Variants in PPP4R2 observed in about 807,000 individuals in gnomAD.
PPP4R2 encodes protein phosphatase 4 regulatory subunit 2.
Under a neutral mutation model 47.2 loss-of-function variants are expected in PPP4R2, and 13 were observed. The observed-to-expected ratio is 0.28, with a 90% CI of 0.18 to 0.44. The LOEUF (loss-of-function observed/expected upper bound fraction) is 0.44, where lower values mean the gene tolerates loss of function less well. Ranked by LOEUF, PPP4R2 falls within the 20% of genes least tolerant of loss-of-function variation. The pLI is 1.00. For synonymous variants in PPP4R2, 151 were observed against 163.3 expected (o/e 0.92, Z 0.57); for missense variants, 421 against 491.2 (o/e 0.86, Z 1.35).
At chr3:73,060,963 A>G (rs1380018618) in intron 4 of PPP4R2, 60 bp from the exon 5 acceptor site, 2 of 1,192,970 alleles carry the variant, frequency 1.7e-6, no homozygotes, top group Admixed American at 2.4e-5. Context: ...AACAAAAATG[A>G]TGAAACTTTA....
At chr3:73,001,398 A>G (rs1701453590) in intron 2 of PPP4R2, among the ~76,000 whole-genome samples, 1 of 152,016 alleles carries the variant, frequency 6.6e-6, no homozygotes, top group Non-Finnish European at 1.5e-5. Context: ...ACCCGTCTTT[A>G]CAAAAAATAT....
At chr3:73,057,632 A>T (rs1414324107) in intron 3 of PPP4R2, among the ~76,000 whole-genome samples, 4 of 152,178 alleles carry the variant, frequency 2.6e-5, no homozygotes. Flanking sequence ...TATGAATAAC[A>T]TGCACTTTAA....
chr3:73,043,211 G>C (rs533581066), intron 2 of PPP4R2, among the ~76,000 whole-genome samples: 1 of 152,120 alleles, frequency 6.6e-6, no homozygotes, highest in Admixed American at 6.5e-5. Context: ...TGCATGTGGA[G>C]AGTCTCATAA....
At chr3:73,026,601 G>T (rs1176405926) in intron 2 of PPP4R2, among the ~76,000 whole-genome samples, 1 of 151,980 alleles carries the variant, frequency 6.6e-6, no homozygotes, top group African/African-American at 2.4e-5. Context: ...GGCCTATACC[G>T]AGCTTATACA....
At chr3:73,046,938 G>A (rs1028369850) in intron 2 of PPP4R2, among the ~76,000 whole-genome samples, 1 of 152,108 alleles carries the variant, frequency 6.6e-6, no homozygotes, top group Non-Finnish European at 1.5e-5. Context: ...TCAGGCAGAG[G>A]TAGTTCATTT....
intron 2 of PPP4R2, among the ~76,000 whole-genome samples, chr3:73,025,826 C>CT (rs1463698868): frequency 3.1e-4 from 47 of 152,124 alleles, no homozygotes; most frequent in Admixed American, 2.4e-3. Flanking sequence ...GAAATTGAGT[C>CT]TAATTCAAAG....
chr3:73,035,716 C>G (rs1222186855), intron 2 of PPP4R2, among the ~76,000 whole-genome samples: 1 of 152,128 alleles, frequency 6.6e-6, no homozygotes. Context: ...CCTCTGCCTC[C>G]TGAGTTCAAG....
intron 2 of PPP4R2, among the ~76,000 whole-genome samples, chr3:73,037,854 C>G (rs1403007163): frequency 6.6e-6 from 1 of 152,096 alleles, no homozygotes; most frequent in Non-Finnish European, 1.5e-5. Context: ...GTTTTATTTT[C>G]TATTTAATAT....
At chr3:73,026,498 T>C (rs375237953) in intron 2 of PPP4R2, among the ~76,000 whole-genome samples, 8 of 106,410 alleles carry the variant, frequency 7.5e-5, no homozygotes, top group African/African-American at 2.9e-4. Context: ...ATTTTTTGTT[T>C]AGAGTGAGTT....
chr3:73,054,127 A>C (rs945002130), intron 3 of PPP4R2, among the ~76,000 whole-genome samples: 9 of 152,070 alleles, frequency 5.9e-5, no homozygotes, highest in Non-Finnish European at 1.2e-4. Flanking sequence ...CATGTTGGCC[A>C]GGCTGGTCTC....
chr3:73,046,504 G>A (rs1384672951), intron 2 of PPP4R2, among the ~76,000 whole-genome samples: 1 of 151,982 alleles, frequency 6.6e-6, no homozygotes, highest in East Asian at 1.9e-4. Context: ...TTATATTACT[G>A]GTGAAATGTG....
intron 2 of PPP4R2, among the ~76,000 whole-genome samples, chr3:73,021,018 T>C (rs530453966): frequency 2.0e-5 from 3 of 152,268 alleles, no homozygotes; most frequent in East Asian, 3.9e-4. Flanking sequence ...GGCACACATT[T>C]GGTATGTAAC....
At chr3:73,005,707 G>A (rs1321487590) in intron 2 of PPP4R2, among the ~76,000 whole-genome samples, 1 of 151,814 alleles carries the variant, frequency 6.6e-6, no homozygotes, top group African/African-American at 2.4e-5. Context: ...AATTTGCTGG[G>A]TGCGGTGCAT....
rs1224382837 is a variant in PPP4R2, at chr3:73,007,460, GT to G, written c.116+9309del. Among the ~76,000 whole-genome samples the G allele has an allele frequency of 2.1e-5, 3 of 140,694 alleles. No homozygotes were observed. The East Asian group carries it at 6.2e-4, about 29-fold the overall frequency. The allele number at this position is 140,694 out of a possible 152,430, so 92.3% of individuals were successfully genotyped here. A position where few individuals can be genotyped will look rare whatever the true frequency, so the allele number is the denominator to read the frequency against. The stretch of plus-strand genomic sequence containing the variant: ...GGTTTCTTTTATCTTTTTCTTTTCT[GT>G]TTTTTTCTGTTTTTTGTTTTTTGTT... On this transcript the variant is annotated intron_variant, in intron 2 of 8. Transcript: ENST00000356692.
chr3:73,009,034 A>C lies in PPP4R2; in HGVS notation c.116+10876A>C, dbSNP rs150046629. Among the ~76,000 whole-genome samples, 312 of 152,230 alleles carry C rather than the reference A, an allele frequency of 2.0e-3. 3 individuals carry two copies. The highest frequency in any genetic ancestry group is 7.0e-3 in the African/African-American group (289 of 41,540). On this transcript the variant is annotated intron_variant, in intron 2 of 8. Coordinates refer to ENST00000356692, the MANE Select transcript of PPP4R2 (RefSeq NM_174907.4). ...TTAATGCAGCGACAGGCAGATAGTGAGTGTCCTGTAAGTGGGAGTTACTGT... is the reference window on the plus strand; with the variant it reads ...TTAATGCAGCGACAGGCAGATAGTGCGTGTCCTGTAAGTGGGAGTTACTGT...
intron 2 of PPP4R2, among the ~76,000 whole-genome samples, chr3:73,032,400 TGCCTCAGCCTCC>T (rs1702182863): frequency 1.9e-5 from 1 of 52,706 alleles, no homozygotes; most frequent in African/African-American, 1.2e-4. Flanking sequence ...GCGATTCTCC[TGCCTCAGCCTCC>T]TGAGTAGCTG....
intron 5 of PPP4R2, chr3:73,061,809 C>T (rs545254740): frequency 9.4e-5 from 33 of 352,826 alleles, no homozygotes; most frequent in African/African-American, 2.4e-4. Flanking sequence ...GTGATCCTCC[C>T]GCCTTGGCCT....
At chr3:73,041,035 T>A (rs1031005203) in intron 2 of PPP4R2, among the ~76,000 whole-genome samples, 8 of 152,208 alleles carry the variant, frequency 5.3e-5, no homozygotes, top group Admixed American at 4.6e-4. Context: ...ATGTCTTTAT[T>A]ATTTCTTATA....
intron 2 of PPP4R2, among the ~76,000 whole-genome samples, chr3:73,018,844 G>A (rs1268191785): frequency 6.6e-6 from 1 of 152,016 alleles, no homozygotes; most frequent in Non-Finnish European, 1.5e-5. Flanking sequence ...AAGTTTTCTT[G>A]GATCTCCTTT....
Sources: gnomAD v4.1 joint callset for allele counts (sites outside exome capture counted in the v4.1 genomes callset) on GRCh38, gnomAD v4.1.1 for gene constraint, MANE v1.5 for transcripts, NCBI Gene and HGNC (gene_info 2026-07-23, HGNC 2026-07-21) for gene names.